Variants in GC observed in about 807,000 individuals in gnomAD.
The protein encoded by GC is GC vitamin D binding protein.
GC carries 43 observed loss-of-function variants against 56.7 expected under a neutral mutation model. The observed-to-expected ratio is 0.76, with a 90% CI of 0.59 to 0.98. GC has a LOEUF of 0.98. Ranked by LOEUF, GC falls within the 50% of genes least tolerant of loss-of-function variation. The pLI, the probability that GC is intolerant of heterozygous loss-of-function variation, is 0.00. For missense variants in GC, 529 were observed against 545.9 expected (o/e 0.97, Z 0.31); for synonymous variants, 216 against 202.7 (o/e 1.07, Z -0.56).
At chr4:71,774,901 A>G (rs770488269) in intron 1 of GC, among the ~76,000 whole-genome samples, 42 of 152,124 alleles carry the variant, frequency 2.8e-4, no homozygotes, top group Non-Finnish European at 3.4e-4. Flanking sequence ...GAATTACTCT[A>G]TTGAAATTTA....
At chr4:71,756,617 G>A (rs1455123565) in intron 8 of GC, 95 bp downstream of exon 8, 7 of 755,726 alleles carry the variant, frequency 9.3e-6, no homozygotes, top group Non-Finnish European at 1.6e-5. Context: ...TGTTTGAAAT[G>A]AGTGATAGCA....
Position 71,741,716 on chromosome 4 carries a change from A to G in GC, c.*180T>C. 1 of 667,800 alleles carries G rather than the reference A, an allele frequency of 1.5e-6. No homozygotes were observed. The highest frequency in any genetic ancestry group is 1.6e-5 in the South Asian group (1 of 61,070). The allele number at this position is 667,800 out of a possible 1,614,324, so 41.4% of individuals were successfully genotyped here. A position where few individuals can be genotyped will look rare whatever the true frequency, so the allele number is the denominator to read the frequency against. On this transcript the variant is annotated 3_prime_UTR_variant, in exon 13 of 13. Transcript: ENST00000273951. ...TATTTATGGTTTGCATTATATTTCA[A>G]TTTATTTTGATAGCAAATCATCATA...
chr4:71,776,458 C>T (rs904355217), intron 1 of GC, among the ~76,000 whole-genome samples: 11 of 151,676 alleles, frequency 7.3e-5, no homozygotes, highest in African/African-American at 2.7e-4. Flanking sequence ...AAAAGTTGAA[C>T]TCACAGAAGA....
At chr4:71,750,704 G>A (rs1358628330) in intron 11 of GC, among the ~76,000 whole-genome samples, 2 of 151,984 alleles carry the variant, frequency 1.3e-5, no homozygotes, top group Non-Finnish European at 2.9e-5. Flanking sequence ...GGCCAACATG[G>A]TGAAACCCTG....
At chr4:71,750,332 C>G (rs1400387323) in intron 11 of GC, among the ~76,000 whole-genome samples, 2 of 152,120 alleles carry the variant, frequency 1.3e-5, no homozygotes, top group African/African-American at 4.8e-5. Context: ...TCCATTTCTA[C>G]TCTTAGGAGT....
intron 1 of GC, among the ~76,000 whole-genome samples, chr4:71,794,009 C>T (rs1391686637): frequency 3.9e-5 from 6 of 152,164 alleles, no homozygotes; most frequent in African/African-American, 1.4e-4. Context: ...ATGAAGCCAG[C>T]TTGATCATGC....
intron 6 of GC, among the ~76,000 whole-genome samples, chr4:71,760,881 T>C (rs907934609): frequency 1.1e-4 from 16 of 152,204 alleles, no homozygotes; most frequent in African/African-American, 2.9e-4. Context: ...GAGGCCTCCC[T>C]AGCCATGTGA....
intron 5 of GC, 108 bp downstream of exon 5, chr4:71,763,696 A>G: frequency 4.1e-6 from 4 of 979,572 alleles, no homozygotes; most frequent in South Asian, 3.3e-5. Flanking sequence ...CAAGGGTGGC[A>G]TTTTAGAAAC....
chr4:71,764,010 T>G lies in GC; in HGVS notation c.474-74A>C, dbSNP rs531044563. On this transcript the variant is annotated intron_variant, in intron 4 of 12. Transcript: ENST00000273951. ...ATCTACTTTTTTATTTGAGACAGTG[T>G]CTTGCCCTGTCATCTAGGCTGGAGT... The G allele has an allele frequency of 9.5e-6, 11 of 1,160,776 alleles. No individual in the cohort carries two copies. The Admixed American group carries it at 1.6e-4, about 17-fold the overall frequency. 71.9% of individuals were successfully genotyped at this position (1,160,776 alleles called of 1,614,324 possible).
intron 12 of GC, among the ~76,000 whole-genome samples, chr4:71,742,858 C>A (rs1484121644): frequency 6.6e-6 from 1 of 152,166 alleles, no homozygotes; most frequent in African/African-American, 2.4e-5. Flanking sequence ...ACTGTAGTCC[C>A]AGCTCCTCGG....
intron 1 of GC, among the ~76,000 whole-genome samples, chr4:71,778,908 T>TATTATTATTATG (rs1742587760): frequency 6.8e-6 from 1 of 147,314 alleles, no homozygotes; most frequent in Non-Finnish European, 1.5e-5. Context: ...TTATTATTAT[T>TATTATTATTATG]ATTATTATTA....
At chr4:71,792,187 G>T (rs1316763712) in intron 1 of GC, among the ~76,000 whole-genome samples, 2 of 152,184 alleles carry the variant, frequency 1.3e-5, no homozygotes, top group African/African-American at 4.8e-5. Context: ...ACCCAGTAAT[G>T]GGATGGCTGA....
intron 1 of GC, among the ~76,000 whole-genome samples, chr4:71,790,902 G>A (rs1026341775): frequency 6.6e-6 from 1 of 151,920 alleles, no homozygotes; most frequent in Non-Finnish European, 1.5e-5. Flanking sequence ...ATGTCCTAAA[G>A]CTATCCCTCC....
intron 3 of GC, among the ~76,000 whole-genome samples, chr4:71,766,385 A>G (rs1742159865): frequency 6.6e-6 from 1 of 152,138 alleles, no homozygotes; most frequent in Non-Finnish European, 1.5e-5. Flanking sequence ...ACAATGATAC[A>G]CTGATACCTG....
At chr4:71,757,288 G>A (rs1462008999) in intron 7 of GC, among the ~76,000 whole-genome samples, 1 of 152,050 alleles carries the variant, frequency 6.6e-6, no homozygotes, top group African/African-American at 2.4e-5. Context: ...ACATGACATG[G>A]ATATAGGCAA....
At chr4:71,791,917 T>C (rs1226063663) in intron 1 of GC, among the ~76,000 whole-genome samples, 2 of 152,162 alleles carry the variant, frequency 1.3e-5, no homozygotes, top group African/African-American at 4.8e-5. Context: ...CATGCGGTGT[T>C]TGCTTTTCTG....
intron 1 of GC, among the ~76,000 whole-genome samples, chr4:71,801,119 T>C (rs1046166071): frequency 6.6e-6 from 1 of 152,154 alleles, no homozygotes. Flanking sequence ...AGAACTCTTA[T>C]AACCCAACAA....
exon 1 of GC, chr4:71,804,001 C>A: frequency 2.7e-6 from 3 of 1,102,906 alleles, no homozygotes; most frequent in Non-Finnish European, 4.0e-6. Flanking sequence ...AGGTAGATAT[C>A]ATTCTCCTGG....
At chr4:71,763,974 G>A (rs764479835) in intron 4 of GC, 38 bp from the exon 5 acceptor site, 1 of 1,545,186 alleles carries the variant, frequency 6.5e-7, no homozygotes, top group Non-Finnish European at 8.9e-7. Context: ...AAAAATTTGT[G>A]AATAAACAAA....
Sources: gnomAD v4.1 joint callset for allele counts (sites outside exome capture counted in the v4.1 genomes callset) on GRCh38, gnomAD v4.1.1 for gene constraint, MANE v1.5 for transcripts, NCBI Gene and HGNC (gene_info 2026-07-23, HGNC 2026-07-21) for gene names.